CHD5: variants seen among roughly 807,000 people sequenced by gnomAD.
CHD5 encodes the protein chromodomain helicase DNA binding protein 5.
Under a neutral mutation model 230.3 loss-of-function variants are expected in CHD5, and 69 were observed. That is an observed-to-expected ratio of 0.30 (90% CI 0.25 to 0.37). The LOEUF is 0.37. Ranked by LOEUF, CHD5 falls within the 10% of genes least tolerant of loss-of-function variation. The pLI, the probability that CHD5 is intolerant of heterozygous loss-of-function variation, is 1.00. For missense variants in CHD5, 1,827 were observed against 2,622.8 expected (o/e 0.70, Z 6.63); for synonymous variants, 1,064 against 1,065.9 (o/e 1.00, Z 0.03).
rs565367548 is a variant in CHD5 at position 6,120,739 on chromosome 1, C to A, written c.4912+366G>T. Among the ~76,000 whole-genome samples, 284 of 152,120 alleles carry A rather than the reference C, an allele frequency of 1.9e-3. 1 individual carries two copies. The highest frequency in any genetic ancestry group is 3.1e-3 in the Non-Finnish European group (208 of 68,002). ...CCAACATGATGAAATCTCGTCTCTACTAAAAATACAAAAATTAGCTGGGTG... is the reference window on the plus strand; with the variant it reads ...CCAACATGATGAAATCTCGTCTCTAATAAAAATACAAAAATTAGCTGGGTG... On this transcript the variant is annotated intron_variant, in intron 33 of 41. Transcript: ENST00000262450.
intron 20 of CHD5, among the ~76,000 whole-genome samples, chr1:6,132,553 G>T (rs536362691): frequency 6.6e-6 from 1 of 152,226 alleles, no homozygotes; most frequent in African/African-American, 2.4e-5. Context: ...TGTTTCTTCT[G>T]CAACTCCAAT....
chr1:6,121,721 C>G lies in CHD5; in HGVS notation c.4700-148G>C. 1.6e-6 allele frequency: 1 copy of G among 614,676 alleles called. No individual in the cohort carries two copies. Among genetic ancestry groups the G allele is most frequent in the Non-Finnish European group, 2.9e-6 (1 of 343,480 alleles). 38.1% of individuals were successfully genotyped at this position (614,676 alleles called of 1,614,324 possible). ...CACCTCCAGGAGAGACAAGCAGGATCCCCGGCTAAGTCAGAGAGGCCAGGC... is the reference window on the plus strand; with the variant it reads ...CACCTCCAGGAGAGACAAGCAGGATGCCCGGCTAAGTCAGAGAGGCCAGGC... On this transcript the variant is annotated intron_variant, in intron 31 of 41. Coordinates refer to ENST00000262450, the MANE Select transcript of CHD5 (RefSeq NM_015557.3). This position sits in a 1 kb window ranked among gnomAD's most constrained non-coding sequence, Gnocchi z 4.5.
At position 6,162,136 on chromosome 1, in the gene CHD5, C is replaced by T. The variant is rs146548763; in HGVS notation, c.208-2621G>A. On this transcript the variant is annotated intron_variant, in intron 2 of 41. Coordinates refer to ENST00000262450, the MANE Select transcript of CHD5 (RefSeq NM_015557.3). ...GTGACTCACGCTTGAAATCCCAGCA[C>T]TTTGGGAGGCCGAGGCGGGCAGATC... is the stretch of plus-strand genomic sequence containing the variant. Among the ~76,000 whole-genome samples, 873 of 152,232 alleles carry T rather than the reference C, an allele frequency of 5.7e-3. 10 individuals are homozygous for T. Among genetic ancestry groups the T allele is most frequent in the African/African-American group, 0.02 (838 of 41,536 alleles).
At chr1:6,123,221 C>T (rs1293302929) in intron 31 of CHD5, among the ~76,000 whole-genome samples, 1 of 152,190 alleles carries the variant, frequency 6.6e-6, no homozygotes, top group African/African-American at 2.4e-5. Context: ...GGCCCACGCA[C>T]TGTGCAGTGC....
In CHD5 at chr1:6,154,508, C is replaced by T. The variant is rs548367093; in HGVS notation, c.745+152G>A. The T allele has an allele frequency of 7.2e-5, 43 of 595,666 alleles. No individual in the cohort carries two copies. Among genetic ancestry groups the T allele is most frequent in the African/African-American group, 5.0e-4 (26 of 52,202 alleles). 36.9% of individuals were successfully genotyped at this position (595,666 alleles called of 1,614,324 possible). On this transcript the variant is annotated intron_variant, in intron 5 of 41. Coordinates refer to ENST00000262450, the MANE Select transcript of CHD5 (RefSeq NM_015557.3). The surrounding 1 kb of genome is among the most constrained non-coding windows in gnomAD (Gnocchi z 7.0). ...TGCTGCCTCACTGCTGAGAAAGGAC[C>T]GGGCAATCCAAGGTCACACAGGCAC...
chr1:6,152,266 T>G (rs1667018322), intron 6 of CHD5, 146 bp downstream of exon 6: 1 of 841,378 alleles, frequency 1.2e-6, no homozygotes, highest in Admixed American at 2.4e-5. Context: ...CACCTGCATG[T>G]AGGATGGAAG....
chr1:6,134,123 C>G lies in CHD5; in HGVS notation c.3144+5G>C. The G allele has an allele frequency of 1.2e-6, 2 of 1,610,800 alleles. No individual in the cohort carries two copies. Among genetic ancestry groups the G allele is most frequent in the African/African-American group, 2.7e-5 (2 of 74,986 alleles). On this transcript the variant is annotated splice_donor_5th_base_variant and intron_variant, in intron 20 of 41. Transcript: ENST00000262450. This position sits in a 1 kb window ranked among gnomAD's most constrained non-coding sequence, Gnocchi z 6.3. ...CCGGGGCGGGGGTGGGCAGGGGCAG[C>G]GCACCTGGGAGAAGATGAGCACACG...
intron 9 of CHD5, among the ~76,000 whole-genome samples, chr1:6,147,117 G>A (rs1056264791): frequency 5.3e-5 from 8 of 152,192 alleles, no homozygotes; most frequent in East Asian, 1.9e-4. Context: ...TGAACTTATC[G>A]GCACCCAGAA....
intron 7 of CHD5, 112 bp downstream of exon 7, chr1:6,150,920 C>T: frequency 1.5e-6 from 2 of 1,304,790 alleles, no homozygotes; most frequent in Non-Finnish European, 2.0e-6. Flanking sequence ...GGGGAGGTTC[C>T]ATGCCCCGCA....
intron 1 of CHD5, among the ~76,000 whole-genome samples, chr1:6,172,510 C>A (rs1165776355): frequency 6.6e-6 from 1 of 152,116 alleles, no homozygotes; most frequent in Non-Finnish European, 1.5e-5. Context: ...TTCTTATCCC[C>A]ATCTGCAGAT....
chr1:6,154,551 G>T lies in CHD5; in HGVS notation c.745+109C>A. The T allele has an allele frequency of 2.0e-6, 2 of 980,198 alleles. No homozygotes were observed. Among genetic ancestry groups the T allele is most frequent in the Non-Finnish European group, 1.5e-6 (1 of 678,084 alleles). The allele number at this position is 980,198 out of a possible 1,614,324, so 60.7% of individuals were successfully genotyped here. ...ACAGGCACAGAGCCCTCCATTAGGAGCACCCCAGCTGCCCCTCCCTGCCCG... is the reference window on the plus strand; with the variant it reads ...ACAGGCACAGAGCCCTCCATTAGGATCACCCCAGCTGCCCCTCCCTGCCCG... On this transcript the variant is annotated intron_variant, in intron 5 of 41. Coordinates refer to ENST00000262450, the MANE Select transcript of CHD5 (RefSeq NM_015557.3). This position sits in a 1 kb window ranked among gnomAD's most constrained non-coding sequence, Gnocchi z 7.0.
Position 6,142,082 on chromosome 1 carries a change from G to T in CHD5, c.2436+46C>A. The T allele has an allele frequency of 6.4e-7, 1 of 1,557,054 alleles. No homozygotes were observed. Among genetic ancestry groups the T allele is most frequent in the Non-Finnish European group, 8.9e-7 (1 of 1,129,598 alleles). ...CACGGCACCCGTGGTCCCTGAACTAGACCGGGGGCCTTCCTACCGTCCTTC... is the reference window on the plus strand; with the variant it reads ...CACGGCACCCGTGGTCCCTGAACTATACCGGGGGCCTTCCTACCGTCCTTC... On this transcript the variant is annotated intron_variant, in intron 15 of 41. Coordinates refer to ENST00000262450, the MANE Select transcript of CHD5 (RefSeq NM_015557.3). The surrounding 1 kb of genome is among the most constrained non-coding windows in gnomAD (Gnocchi z 5.2).
At chr1:6,144,876 A>G (rs760038226) in intron 11 of CHD5, among the ~76,000 whole-genome samples, 3 of 152,254 alleles carry the variant, frequency 2.0e-5, no homozygotes, top group Non-Finnish European at 4.4e-5. Context: ...CGATCCCGTT[A>G]CCACGGCAAC....
At chr1:6,152,319 T>C (rs1324405093) in intron 6 of CHD5, 93 bp downstream of exon 6, 1 of 1,447,606 alleles carries the variant, frequency 6.9e-7, no homozygotes, top group Non-Finnish European at 9.4e-7. Context: ...TAGTTTGTAA[T>C]GAACTGAAGG....
At chr1:6,168,400 G>A in intron 1 of CHD5, 123 bp from the exon 2 acceptor site, 1 of 1,198,298 alleles carries the variant, frequency 8.3e-7, no homozygotes, top group South Asian at 1.7e-5. Context: ...GGTCACAGCT[G>A]CCCTGCCCTC....
chr1:6,132,025 T>C (rs1279816458), intron 20 of CHD5, among the ~76,000 whole-genome samples: 1 of 152,152 alleles, frequency 6.6e-6, no homozygotes, highest in Non-Finnish European at 1.5e-5. Flanking sequence ...AGAATTAAGT[T>C]CCATCTCACT....
chr1:6,119,992 C>G (rs1323669289), intron 33 of CHD5, among the ~76,000 whole-genome samples: 2 of 151,948 alleles, frequency 1.3e-5, no homozygotes, highest in African/African-American at 2.4e-5. Context: ...TCCTGAGTAG[C>G]TGGGACTACA....
chr1:6,125,947 C>T lies in CHD5; in HGVS notation c.4079-89G>A. The T allele has an allele frequency of 1.1e-6, 1 of 899,520 alleles. No individual in the cohort carries two copies. The highest frequency in any genetic ancestry group is 1.8e-6 in the Non-Finnish European group (1 of 553,714). The allele number at this position is 899,520 out of a possible 1,614,324, so 55.7% of individuals were successfully genotyped here. On this transcript the variant is annotated intron_variant, in intron 26 of 41. Coordinates refer to ENST00000262450, the MANE Select transcript of CHD5 (RefSeq NM_015557.3). The surrounding 1 kb of genome is among the most constrained non-coding windows in gnomAD (Gnocchi z 6.7). ...AAGCATGCCCAGGGCCACGCCGAGC[C>T]CCTGCACCCCAGCTCCATAAAAAAG...
At chr1:6,137,404 G>A (rs1394952687) in intron 15 of CHD5, among the ~76,000 whole-genome samples, 1 of 152,174 alleles carries the variant, frequency 6.6e-6, no homozygotes, top group Non-Finnish European at 1.5e-5. Flanking sequence ...ACCACGACCA[G>A]CCCTGGCTCT....
Sources: allele counts gnomAD v4.1 joint callset (sites outside exome capture counted in the v4.1 genomes callset), GRCh38; gene constraint gnomAD v4.1.1; non-coding constraint Gnocchi (gnomAD v3.1); transcripts MANE v1.5; gene names NCBI Gene and HGNC (gene_info 2026-07-23, HGNC 2026-07-21).